GUCY1A2: variants seen among roughly 807,000 people sequenced by gnomAD.
GUCY1A2 encodes guanylate cyclase soluble subunit alpha-2.
A neutral mutation model predicts 63.5 loss-of-function variants in GUCY1A2; 27 were observed. The ratio of observed to expected loss-of-function variants is 0.43; its 90% confidence interval spans 0.31 to 0.59. The LOEUF is 0.59. Among genes scored for constraint, GUCY1A2 ranks in the 20% least tolerant of loss-of-function variants. GUCY1A2 has a pLI of 0.11. For missense variants in GUCY1A2, 768 were observed against 913.3 expected (o/e 0.84, Z 2.05); for synonymous variants, 364 against 343.5 (o/e 1.06, Z -0.66).
intron 1 of GUCY1A2, among the ~76,000 whole-genome samples, chr11:106,989,876 T>TC (rs1861449182): frequency 1.3e-5 from 2 of 152,098 alleles, no homozygotes; most frequent in Non-Finnish European, 2.9e-5. Context: ...CACTGAAACA[T>TC]CATAGCTAAG....
At chr11:106,947,218 CA>C (rs35132742) in intron 3 of GUCY1A2, among the ~76,000 whole-genome samples, 23,861 of 112,978 alleles carry the variant, frequency 0.21, 1,999 homozygotes, top group Middle Eastern at 0.33. Context: ...CTCCATCTCA[CA>C]AAAAAAAAAA....
At chr11:106,711,381 G>A (rs1863115981) in intron 6 of GUCY1A2, among the ~76,000 whole-genome samples, 1 of 152,094 alleles carries the variant, frequency 6.6e-6, no homozygotes, top group African/African-American at 2.4e-5. Context: ...AAAAATAATT[G>A]TATTAATTAA....
intron 5 of GUCY1A2, among the ~76,000 whole-genome samples, chr11:106,787,681 C>T (rs72994966): frequency 0.031 from 4,521 of 147,628 alleles, 106 homozygotes; most frequent in Non-Finnish European, 0.052. Flanking sequence ...CTAATGATTT[C>T]CAGGTCCATC....
intron 3 of GUCY1A2, among the ~76,000 whole-genome samples, chr11:106,948,751 A>T (rs1031399338): frequency 6.6e-6 from 1 of 152,190 alleles, no homozygotes; most frequent in African/African-American, 2.4e-5. Flanking sequence ...ATCTGTGTAT[A>T]TGAGAAGTTT....
At chr11:106,713,418 A>G (rs1863155667) in intron 6 of GUCY1A2, among the ~76,000 whole-genome samples, 1 of 151,630 alleles carries the variant, frequency 6.6e-6, no homozygotes, top group African/African-American at 2.4e-5. Context: ...GCTGAGTAGC[A>G]GTATTCCTCT....
intron 6 of GUCY1A2, among the ~76,000 whole-genome samples, chr11:106,721,201 G>A (rs992126192): frequency 6.6e-6 from 1 of 151,916 alleles, no homozygotes; most frequent in Non-Finnish European, 1.5e-5. Context: ...TGGGACTACA[G>A]GCGTGCGCCA....
chr11:106,868,781 AAG>A (rs1344673911), intron 4 of GUCY1A2, among the ~76,000 whole-genome samples: 8 of 152,214 alleles, frequency 5.3e-5, no homozygotes, highest in Non-Finnish European at 1.2e-4. Context: ...GGAACCAAAA[AAG>A]AGCCCACATT....
intron 7 of GUCY1A2, among the ~76,000 whole-genome samples, chr11:106,694,927 C>T (rs1186803429): frequency 2.0e-5 from 3 of 152,074 alleles, no homozygotes. Flanking sequence ...ATTTTCTACC[C>T]TTGTACTTTT....
At chr11:106,834,061 T>G (rs2135438723) in intron 4 of GUCY1A2, among the ~76,000 whole-genome samples, 1 of 152,152 alleles carries the variant, frequency 6.6e-6, no homozygotes, top group South Asian at 2.1e-4. Context: ...ACATATTTAT[T>G]TTTTGTGGCG....
intron 7 of GUCY1A2, among the ~76,000 whole-genome samples, chr11:106,698,138 T>TTTTTTTA (rs1555020237): frequency 3.4e-5 from 5 of 145,758 alleles, no homozygotes; most frequent in Admixed American, 1.4e-4. Flanking sequence ...TTTTTTTTTT[T>TTTTTTTA]AGACAGGGTC....
At chr11:106,760,426 C>T (rs187058699) in intron 6 of GUCY1A2, among the ~76,000 whole-genome samples, 1 of 151,948 alleles carries the variant, frequency 6.6e-6, no homozygotes, top group African/African-American at 2.4e-5. Context: ...TAAAGTGGGC[C>T]GAACTTCAAG....
At chr11:107,017,645 C>T (rs1861841905) in intron 1 of GUCY1A2, 108 bp downstream of exon 1, 1 of 538,660 alleles carries the variant, frequency 1.9e-6, no homozygotes, top group Non-Finnish European at 2.8e-6. Context: ...GGCCGGGCCG[C>T]CCCCCAGCGG....
At chr11:106,777,646 C>G (rs999122706) in intron 5 of GUCY1A2, among the ~76,000 whole-genome samples, 4 of 125,578 alleles carry the variant, frequency 3.2e-5, no homozygotes, top group Non-Finnish European at 6.2e-5. Flanking sequence ...CATGTGGACA[C>G]AGGGACAGGG....
chr11:106,858,131 T>C (rs1182937150), intron 4 of GUCY1A2, among the ~76,000 whole-genome samples: 1 of 152,172 alleles, frequency 6.6e-6, no homozygotes, highest in Non-Finnish European at 1.5e-5. Context: ...TGCCTAAATT[T>C]TCAATATTTA....
At chr11:106,740,293 A>G (rs1863671214) in intron 6 of GUCY1A2, among the ~76,000 whole-genome samples, 1 of 151,804 alleles carries the variant, frequency 6.6e-6, no homozygotes, top group African/African-American at 2.4e-5. Flanking sequence ...GTCAGCCACC[A>G]TGCCCGGCCT....
At chr11:106,818,192 T>G (rs1574952) in intron 4 of GUCY1A2, among the ~76,000 whole-genome samples, 139,036 of 152,154 alleles carry the variant, frequency 0.91, 63,604 homozygotes, top group East Asian at 1. Context: ...GATATTGCAT[T>G]GTTTTACAAA....
intron 6 of GUCY1A2, among the ~76,000 whole-genome samples, chr11:106,759,424 G>T (rs1591264673): frequency 6.6e-6 from 1 of 152,250 alleles, no homozygotes; most frequent in Admixed American, 6.5e-5. Flanking sequence ...GAGATAATGG[G>T]ATTCTTCTTT....
In GUCY1A2 at chr11:106,682,982, G is replaced by A. The variant is rs920355428; in HGVS notation, c.*4567C>T. On this transcript the variant is annotated 3_prime_UTR_variant, in exon 8 of 8. Transcript: ENST00000526355. ...GTGTCTGCTCTTCATTCACCACTAC[G>A]AGGATCTTGAAATTGAGTCCATAGC... 1.9e-5 allele frequency: 4 copies of A among 215,862 alleles called. No individual in the cohort carries two copies. The highest frequency in any genetic ancestry group is 5.8e-5 in the Admixed American group (1 of 17,132). The allele number at this position is 215,862 out of a possible 1,614,324, so 13.4% of individuals were successfully genotyped here. A position where few individuals can be genotyped will look rare whatever the true frequency, so the allele number is the denominator to read the frequency against.
At chr11:106,999,339 G>A (rs749232830) in intron 1 of GUCY1A2, among the ~76,000 whole-genome samples, 18 of 152,242 alleles carry the variant, frequency 1.2e-4, no homozygotes, top group East Asian at 1.9e-4. Flanking sequence ...TATATCAGAG[G>A]TTGAACTAGT....
Sources: gnomAD v4.1 joint callset for allele counts (sites outside exome capture counted in the v4.1 genomes callset) on GRCh38, gnomAD v4.1.1 for gene constraint, MANE v1.5 for transcripts, NCBI Gene and HGNC (gene_info 2026-07-23, HGNC 2026-07-21) for gene names.